NEDD4: variants seen among roughly 807,000 people sequenced by gnomAD.
NEDD4 encodes the protein E3 ubiquitin-protein ligase NEDD4.
In NEDD4, 99 loss-of-function variants were observed where a neutral mutation model predicts 144.9. That is an observed-to-expected ratio of 0.68 (90% CI 0.58 to 0.81). The LOEUF is 0.81. NEDD4 is among the 30% of genes least tolerant of loss of function. The probability of loss-of-function intolerance (pLI) is 0.00; values close to 1 mark genes in which losing one functional copy is unlikely to be tolerated. For missense variants in NEDD4, 985 were observed against 1,065.9 expected, an observed-to-expected ratio of 0.92 and a Z score of 1.06; for synonymous variants, 318 against 350.6, an observed-to-expected ratio of 0.91 and a Z score of 1.04.
At chr15:55,974,891 C>CTTTTTTTTTTTTGTTT (rs2037673565) in intron 1 of NEDD4, among the ~76,000 whole-genome samples, 1 of 75,700 alleles carries the variant, frequency 1.3e-5, no homozygotes, top group Non-Finnish European at 2.5e-5. Context: ...CTTTTCCTTT[C>CTTTTTTTTTTTTGTTT]TTTTTTTTTT....
intron 2 of NEDD4, among the ~76,000 whole-genome samples, chr15:55,962,278 G>T (rs1325799575): frequency 2.0e-5 from 3 of 152,146 alleles, no homozygotes; most frequent in Admixed American, 6.5e-5. Context: ...TATTTTAAGT[G>T]CATCACGTAG....
chr15:55,838,575 C>A lies in NEDD4; in HGVS notation c.2061G>T (p.Trp687Cys). 6.2e-7 allele frequency: 1 copy of A among 1,612,194 alleles called. No homozygotes were observed. The highest frequency in any genetic ancestry group is 8.5e-7 in the Non-Finnish European group (1 of 1,178,948). Residue 687 changes from tryptophan to cysteine, a missense_variant, in exon 22 of 29, where the codon TGG becomes TGT. Coordinates refer to ENST00000435532, the MANE Select transcript of NEDD4 (RefSeq NM_006154.4). ...ATTCTGTTGGGTCATTTTCAAGAAT[C>A]CATCTTAGGGAATTGTAATATTCAC... The part of the protein sequence containing the change: ...VDSEYYNSLR[W>C]ILENDPTELD...
chr15:55,872,512 T>C, intron 6 of NEDD4, 36 bp from the exon 7 acceptor site: 3 of 960,024 alleles, frequency 3.1e-6, no homozygotes. Context: ...AATATATCTA[T>C]AACACCAAAA....
chr15:55,953,882 G>A (rs1394087420), intron 2 of NEDD4, among the ~76,000 whole-genome samples: 1 of 152,148 alleles, frequency 6.6e-6, no homozygotes, highest in Non-Finnish European at 1.5e-5. Flanking sequence ...CACCACGCTT[G>A]GCTAATGTTT....
chr15:55,940,691 T>C (rs1165027640), intron 4 of NEDD4, among the ~76,000 whole-genome samples: 1 of 151,974 alleles, frequency 6.6e-6, no homozygotes, highest in Non-Finnish European at 1.5e-5. Context: ...CCATGCCTTG[T>C]GAAGAGGGTC....
intron 5 of NEDD4, among the ~76,000 whole-genome samples, chr15:55,886,981 G>A (rs2035414009): frequency 6.6e-6 from 1 of 151,372 alleles, no homozygotes; most frequent in African/African-American, 2.4e-5. Flanking sequence ...AAAACCTCTG[G>A]GATACAGCAA....
At position 55,848,419 on chromosome 15, in the gene NEDD4, T is replaced by C. The variant is rs2033838694; in HGVS notation, c.1495A>G (p.Thr499Ala). 3.7e-6 allele frequency: 6 copies of C among 1,614,220 alleles called. No homozygotes were observed. The highest frequency in any genetic ancestry group is 4.2e-6 in the Non-Finnish European group (5 of 1,180,030). Residue 499 changes from threonine (T) to alanine (A), a missense_variant, in exon 17 of 29, where the codon ACA becomes GCA. Physicochemically the swap from Thr to Ala is moderately conservative, Grantham distance 58. Coordinates refer to ENST00000435532, the MANE Select transcript of NEDD4 (RefSeq NM_006154.4). ...TCCAACCGAGGATCTTCCCATTGTG[T>C]TCTTTTTATATCTGAAGGGAAGAAA... ...IFYINHNIKR[T>A]QWEDPRLENV...
At chr15:55,832,181 GAAA>G (rs200591357) in intron 27 of NEDD4, among the ~76,000 whole-genome samples, 1,603 of 124,744 alleles carry the variant, frequency 0.013, 12 homozygotes, top group Non-Finnish European at 0.02. Flanking sequence ...CCCCTATCTT[GAAA>G]AAAAAAAAAA....
At chr15:55,905,116 A>T in intron 5 of NEDD4, 3 of 319,764 alleles carry the variant, frequency 9.4e-6, no homozygotes, top group Non-Finnish European at 1.8e-5. Flanking sequence ...AGAAAAGAAA[A>T]GAAAATCAGG....
chr15:55,834,875 A>G (rs1353939777), intron 24 of NEDD4, among the ~76,000 whole-genome samples: 1 of 152,122 alleles, frequency 6.6e-6, no homozygotes, highest in African/African-American at 2.4e-5. Context: ...AAGCTTCTCC[A>G]TCCCTGCGTC....
At chr15:55,903,845 C>CACAT (rs1162581511) in intron 5 of NEDD4, among the ~76,000 whole-genome samples, 1,742 of 122,260 alleles carry the variant, frequency 0.014, 15 homozygotes, top group Middle Eastern at 0.045. Flanking sequence ...AAAAAACACA[C>CACAT]ATATATATAT....
chr15:55,828,682 C>T lies in NEDD4; in HGVS notation c.*1215G>A, dbSNP rs1566891882. Reference sequence around the variant, plus strand: ...CGTTTGATGAATACATGTACATGGTCTTTATGTACTTCAGTTTGGTTAAAG... The same window carrying T: ...CGTTTGATGAATACATGTACATGGTTTTTATGTACTTCAGTTTGGTTAAAG... On this transcript the variant is annotated 3_prime_UTR_variant, in exon 29 of 29. Transcript: ENST00000435532. 1 of 152,674 alleles carries T rather than the reference C, an allele frequency of 6.5e-6. No individual in the cohort carries two copies. The highest frequency in any genetic ancestry group is 2.1e-4 in the South Asian group (1 of 4,824). 9.5% of individuals were successfully genotyped at this position (152,674 alleles called of 1,614,324 possible). A position where few individuals can be genotyped will look rare whatever the true frequency, so the allele number is the denominator to read the frequency against.
chr15:55,939,237 G>A (rs1323655989), intron 4 of NEDD4, among the ~76,000 whole-genome samples: 5 of 152,170 alleles, frequency 3.3e-5, no homozygotes, highest in Non-Finnish European at 7.3e-5. Flanking sequence ...GGAGGTGATT[G>A]GATCACGGGG....
In NEDD4 at chr15:55,834,040, T is replaced by C; in HGVS notation, c.2428A>G (p.Lys810Glu). The C allele has an allele frequency of 6.2e-7, 1 of 1,605,836 alleles. No homozygotes were observed. The highest frequency in any genetic ancestry group is 8.5e-7 in the Non-Finnish European group (1 of 1,177,074). The change falls in exon 26 of 29, where the codon AAG becomes GAG. Residue 810 changes from lysine (K) to glutamate (E), a missense_variant and splice_region_variant. Coordinates refer to ENST00000435532, the MANE Select transcript of NEDD4 (RefSeq NM_006154.4). ...TGAAAATAGAAGTTTCAAATTACCTTCCAAAACCACTGTATAACCTGATGA... is the reference window on the plus strand; with the variant it reads ...TGAAAATAGAAGTTTCAAATTACCTCCCAAAACCACTGTATAACCTGATGA... ...ANHQVIQWFW[K>E]AVLMMDSEKR...
rs1055006827 is a variant in NEDD4, at chr15:55,975,094, C to T, written c.46-8548G>A. On this transcript the variant is annotated intron_variant, in intron 1 of 28. Coordinates refer to ENST00000435532, the MANE Select transcript of NEDD4 (RefSeq NM_006154.4). Reference sequence around the variant, plus strand: ...TTTTAGTAGAGACAGGGTTTCACCACGTTAGCCAGGCTGGTCTCAAACTCC... The same window carrying T: ...TTTTAGTAGAGACAGGGTTTCACCATGTTAGCCAGGCTGGTCTCAAACTCC... 7.3e-5 allele frequency among the ~76,000 whole-genome samples: 11 copies of T among 151,664 alleles called. 1 individual carries two copies. Among genetic ancestry groups the T allele is most frequent in the South Asian group, 6.3e-4 (3 of 4,796 alleles).
At chr15:55,862,287 G>A (rs2034436659) in intron 9 of NEDD4, among the ~76,000 whole-genome samples, 1 of 151,972 alleles carries the variant, frequency 6.6e-6, no homozygotes. Flanking sequence ...GACTTTATAA[G>A]ACTATATGGA....
intron 8 of NEDD4, among the ~76,000 whole-genome samples, chr15:55,866,417 T>C (rs189297633): frequency 1.3e-5 from 2 of 152,252 alleles, no homozygotes; most frequent in East Asian, 3.9e-4. Flanking sequence ...AAATTTAGTC[T>C]TGCATATATT....
chr15:55,865,197 CA>C lies in NEDD4; in HGVS notation c.508-2119del, dbSNP rs34140490. Among the ~76,000 whole-genome samples the C allele has an allele frequency of 3.3e-3, 277 of 84,966 alleles. 2 individuals carry two copies. The highest frequency in any genetic ancestry group is 8.5e-3 in the African/African-American group (172 of 20,354). The allele number at this position is 84,966 out of a possible 152,430, so 55.7% of individuals were successfully genotyped here. On this transcript the variant is annotated intron_variant, in intron 8 of 28. Transcript: ENST00000435532. Reference sequence around the variant, plus strand: ...TGGGCGATAGAGCAAGACTCTGTCTCAAAAAAAAAAAAAAAAAAAAACTTTA... The same window carrying C: ...TGGGCGATAGAGCAAGACTCTGTCTCAAAAAAAAAAAAAAAAAAAACTTTA...
At chr15:55,931,201 A>G (rs1343715580) in intron 4 of NEDD4, among the ~76,000 whole-genome samples, 1 of 152,212 alleles carries the variant, frequency 6.6e-6, no homozygotes, top group Non-Finnish European at 1.5e-5. Flanking sequence ...ACAGCCAAAC[A>G]TAAGTTGGCT....
Sources: allele counts gnomAD v4.1 joint callset (sites outside exome capture counted in the v4.1 genomes callset), GRCh38; gene constraint gnomAD v4.1.1; transcripts MANE v1.5; gene names NCBI Gene and HGNC (gene_info 2026-07-23, HGNC 2026-07-21).